The following WNT9B variants were observed in gnomAD, a reference collection of about 807,000 sequenced individuals.
WNT9B encodes protein Wnt-9b.
A neutral mutation model predicts 30.2 loss-of-function variants in WNT9B; 12 were observed. The ratio of observed to expected loss-of-function variants is 0.40; its 90% CI spans 0.26 to 0.64. WNT9B has a LOEUF of 0.64. WNT9B is among the 30% of genes least tolerant of loss of function. The pLI is 0.42. For synonymous variants in WNT9B, 218 were observed against 216.9 expected, an observed-to-expected ratio of 1.01 and a Z score of -0.05; for missense variants, 442 against 485.2, an observed-to-expected ratio of 0.91 and a Z score of 0.84.
In WNT9B at chr17:46,880,212, T is replaced by G. The variant is rs2085405535; in HGVS notation, c.*3494T>G. Among the ~76,000 whole-genome samples, 1 of 152,198 alleles carries G rather than the reference T, an allele frequency of 6.6e-6. No homozygotes were observed. The highest frequency in any genetic ancestry group is 6.5e-5 in the Admixed American group (1 of 15,290). ...GAGCACATAGTCCTGTCCCCTGGTCTAGATAAGCCCAGCTTTCCTGGTACC... is the reference window on the plus strand; with the variant it reads ...GAGCACATAGTCCTGTCCCCTGGTCGAGATAAGCCCAGCTTTCCTGGTACC... On this transcript the variant is annotated 3_prime_UTR_variant, in exon 4 of 4. Transcript: ENST00000290015.
intron 1 of WNT9B, among the ~76,000 whole-genome samples, chr17:46,866,460 G>C (rs1273621251): frequency 6.6e-6 from 1 of 152,056 alleles, no homozygotes; most frequent in Non-Finnish European, 1.5e-5. Context: ...GTGTGTGAGG[G>C]AGTGTGAGTG....
intron 1 of WNT9B, among the ~76,000 whole-genome samples, chr17:46,844,125 T>A (rs1466686225): frequency 6.6e-6 from 1 of 152,028 alleles, no homozygotes; most frequent in Non-Finnish European, 1.5e-5. Context: ...GGCTAATTTT[T>A]TTTTTCTTTT....
chr17:46,842,005 A>G (rs1471974583), intron 1 of WNT9B, among the ~76,000 whole-genome samples: 1 of 152,130 alleles, frequency 6.6e-6, no homozygotes, highest in African/African-American at 2.4e-5. Flanking sequence ...CTCCTGCAGA[A>G]GGCTGGCCGC....
intron 1 of WNT9B, among the ~76,000 whole-genome samples, chr17:46,838,334 A>C (rs530651913): frequency 2.6e-4 from 40 of 152,110 alleles, no homozygotes; most frequent in African/African-American, 9.4e-4. Context: ...AAAAAAAAAA[A>C]AAAAATCACA....
chr17:46,840,890 G>T (rs1249234341), intron 1 of WNT9B, among the ~76,000 whole-genome samples: 2 of 152,296 alleles, frequency 1.3e-5, no homozygotes, highest in East Asian at 1.9e-4. Flanking sequence ...GTAGATTCTG[G>T]ATATTAGCCC....
chr17:46,867,539 A>T (rs774951090), intron 1 of WNT9B, among the ~76,000 whole-genome samples: 1 of 152,216 alleles, frequency 6.6e-6, no homozygotes, highest in Non-Finnish European at 1.5e-5. Flanking sequence ...CCCACTCTCC[A>T]GGCAGGGGGT....
chr17:46,881,792 A>G (rs911758016), downstream of WNT9B, among the ~76,000 whole-genome samples: 1 of 152,226 alleles, frequency 6.6e-6, no homozygotes, highest in Non-Finnish European at 1.5e-5. Context: ...TTGCATTTGC[A>G]ATATCTATCT....
At chr17:46,885,006 T>C (rs1399442566), downstream of WNT9B, 1 of 438,704 alleles carries the variant, frequency 2.3e-6, no homozygotes, top group African/African-American at 2.1e-5. Context: ...CTTTTTTTTT[T>C]AGACGAAGTC....
chr17:46,854,923 G>C (rs1317797058), intron 1 of WNT9B, among the ~76,000 whole-genome samples: 2 of 152,160 alleles, frequency 1.3e-5, no homozygotes, highest in Non-Finnish European at 2.9e-5. Flanking sequence ...GCCTCCTAAA[G>C]TGCTGGGATT....
At chr17:46,845,474 G>A (rs996602319) in intron 1 of WNT9B, among the ~76,000 whole-genome samples, 2 of 150,166 alleles carry the variant, frequency 1.3e-5, no homozygotes, top group African/African-American at 4.9e-5. Context: ...ACAATGGAGT[G>A]AGTTATCTGA....
intron 1 of WNT9B, among the ~76,000 whole-genome samples, chr17:46,854,246 T>A (rs1316927045): frequency 2.0e-5 from 3 of 152,214 alleles, no homozygotes; most frequent in Non-Finnish European, 4.4e-5. Flanking sequence ...CAGCTTCCCA[T>A]CTGCATTCGC....
chr17:46,872,866 C>A, intron 2 of WNT9B, 93 bp downstream of exon 2: 3 of 1,424,252 alleles, frequency 2.1e-6, no homozygotes, highest in Non-Finnish European at 2.8e-6. Context: ...TTTTTCCTGG[C>A]TCCCGTGCCC....
chr17:46,875,778 A>G (rs374064448), intron 3 of WNT9B, among the ~76,000 whole-genome samples: 9 of 152,312 alleles, frequency 5.9e-5, no homozygotes, highest in African/African-American at 2.2e-4. Flanking sequence ...GGGTGGGAAG[A>G]TGGAAGTGGC....
chr17:46,859,578 A>G (rs1485223637), intron 1 of WNT9B, among the ~76,000 whole-genome samples: 2 of 152,194 alleles, frequency 1.3e-5, no homozygotes, highest in Non-Finnish European at 2.9e-5. Flanking sequence ...AGCCTTTTAT[A>G]TTCCTAGATT....
intron 1 of WNT9B, among the ~76,000 whole-genome samples, chr17:46,838,751 C>T (rs2084663339): frequency 1.3e-5 from 2 of 152,178 alleles, no homozygotes; most frequent in South Asian, 2.1e-4. Flanking sequence ...TATCAGCCTT[C>T]AAGCAGATGC....
chr17:46,837,466 G>T (rs2084647439), intron 1 of WNT9B, among the ~76,000 whole-genome samples: 2 of 152,206 alleles, frequency 1.3e-5, no homozygotes, highest in African/African-American at 4.8e-5. Flanking sequence ...CCATCTTGCT[G>T]TATGACATTT....
intron 2 of WNT9B, 26 bp downstream of exon 2, chr17:46,872,799 GAGGGC>G: frequency 7.6e-7 from 1 of 1,314,018 alleles, no homozygotes; most frequent in Non-Finnish European, 1.1e-6. Flanking sequence ...AGGGGACGGG[GAGGGC>G]TGGGGGAAGA....
intron 1 of WNT9B, among the ~76,000 whole-genome samples, chr17:46,862,935 G>A (rs1205261740): frequency 6.6e-6 from 1 of 152,212 alleles, no homozygotes. Flanking sequence ...GCTGGTCCTC[G>A]CTGGGTGTCA....
In WNT9B at chr17:46,872,513, C is replaced by G; in HGVS notation, c.78-4C>G. On this transcript the variant is annotated splice_region_variant and splice_polypyrimidine_tract_variant and intron_variant, in intron 1 of 3. Transcript: ENST00000290015. ...ACCTGTCTCCCTCCTCTCGCTCTCT[C>G]TAGCCTGACCGGGCGGGAAGTCCTG... 6.5e-7 allele frequency: 1 copy of G among 1,535,590 alleles called. No individual in the cohort carries two copies. Among genetic ancestry groups the G allele is most frequent in the Non-Finnish European group, 8.8e-7 (1 of 1,139,100 alleles).
Sources: gnomAD v4.1 joint callset for allele counts (sites outside exome capture counted in the v4.1 genomes callset) on GRCh38, gnomAD v4.1.1 for gene constraint, MANE v1.5 for transcripts, NCBI Gene and HGNC (gene_info 2026-07-23, HGNC 2026-07-21) for gene names.